Variants in NRXN1 observed in about 807,000 individuals in gnomAD.
The protein encoded by NRXN1 is neurexin-1.
NRXN1 carries 39 observed loss-of-function variants against 150.9 expected under a neutral mutation model. That is an observed-to-expected ratio of 0.26 (90% CI 0.20 to 0.34). NRXN1 has a LOEUF of 0.34. NRXN1 is among the 10% of genes least tolerant of loss of function. The pLI is 1.00. For synonymous variants in NRXN1, 924 were observed against 757.0 expected, an observed-to-expected ratio of 1.22 and a Z score of -3.62; for missense variants, 1,815 against 1,949.9, an observed-to-expected ratio of 0.93 and a Z score of 1.30.
At chr2:50,029,938 C>T (rs1361940964) in intron 21 of NRXN1, among the ~76,000 whole-genome samples, 1 of 151,986 alleles carries the variant, frequency 6.6e-6, no homozygotes, top group Non-Finnish European at 1.5e-5. Flanking sequence ...ATATAAAATG[C>T]CAGCTCCATG....
chr2:50,651,498 ACATG>A (rs1234645024), intron 5 of NRXN1, among the ~76,000 whole-genome samples: 1 of 149,266 alleles, frequency 6.7e-6, no homozygotes, highest in African/African-American at 2.6e-5. Flanking sequence ...ACATGACATG[ACATG>A]ACATGACATA....
chr2:50,848,746 G>A (rs942179669), intron 5 of NRXN1, among the ~76,000 whole-genome samples: 2 of 152,110 alleles, frequency 1.3e-5, no homozygotes, highest in East Asian at 1.9e-4. Flanking sequence ...ACCAAGACTG[G>A]TCTTTGGATG....
At chr2:50,468,590 A>G (rs918603801) in intron 16 of NRXN1, among the ~76,000 whole-genome samples, 1 of 151,612 alleles carries the variant, frequency 6.6e-6, no homozygotes, top group African/African-American at 2.4e-5. Flanking sequence ...TAAATTAATA[A>G]TATGTCTAAA....
intron 14 of NRXN1, among the ~76,000 whole-genome samples, chr2:50,496,354 A>G (rs1383598562): frequency 2.0e-4 from 31 of 152,170 alleles, no homozygotes; most frequent in Non-Finnish European, 2.9e-5. Context: ...AACTTTATGA[A>G]TTTGGAAAGC....
At chr2:50,177,490 T>C (rs1166509765) in intron 18 of NRXN1, among the ~76,000 whole-genome samples, 1 of 151,780 alleles carries the variant, frequency 6.6e-6, no homozygotes, top group Non-Finnish European at 1.5e-5. Context: ...TTATCATAAA[T>C]ATATTACTTT....
chr2:50,346,863 C>T lies in NRXN1; in HGVS notation c.3365-109893G>A, dbSNP rs546558752. ...GGACTATCCAAAGCAGGGCCAGGCG[C>T]CCCCCTGCGCCGCCGCCGCCGCCGC... On this transcript the variant is annotated intron_variant, in intron 17 of 22. Coordinates refer to ENST00000401669, the MANE Select transcript of NRXN1 (RefSeq NM_001330078.2). The surrounding 1 kb of genome is among the most constrained non-coding windows in gnomAD (Gnocchi z 5.0). 5.4e-5 allele frequency: 76 copies of T among 1,399,468 alleles called. 1 individual carries two copies. In the South Asian group the frequency reaches 1.4e-3, roughly 26 times the overall value. The allele number at this position is 1,399,468 out of a possible 1,614,324, so 86.7% of individuals were successfully genotyped here. A position where few individuals can be genotyped will look rare whatever the true frequency, so the allele number is the denominator to read the frequency against.
At chr2:50,379,042 G>C (rs1423718612) in intron 17 of NRXN1, among the ~76,000 whole-genome samples, 4 of 151,898 alleles carry the variant, frequency 2.6e-5, no homozygotes, top group African/African-American at 7.3e-5. Context: ...TCATGCAGCA[G>C]GCATTCAAAA....
At chr2:50,201,293 TAA>T (rs2062145111) in intron 18 of NRXN1, among the ~76,000 whole-genome samples, 1 of 152,184 alleles carries the variant, frequency 6.6e-6, no homozygotes, top group Admixed American at 6.6e-5. Context: ...CATAGAGTTC[TAA>T]AAAGACTTGA....
At chr2:50,689,802 A>C (rs963267818) in intron 5 of NRXN1, among the ~76,000 whole-genome samples, 1 of 151,944 alleles carries the variant, frequency 6.6e-6, no homozygotes, top group Non-Finnish European at 1.5e-5. Context: ...AACAACTTCC[A>C]ACTTTATAAG....
intron 5 of NRXN1, among the ~76,000 whole-genome samples, chr2:50,742,262 C>CATAT (rs139151456): frequency 2.5e-3 from 369 of 148,860 alleles, no homozygotes; most frequent in Middle Eastern, 7.1e-3. Context: ...GCAATATTTA[C>CATAT]ATATATATAT....
At chr2:50,608,634 G>C (rs1677528540) in intron 8 of NRXN1, among the ~76,000 whole-genome samples, 1 of 152,016 alleles carries the variant, frequency 6.6e-6, no homozygotes, top group Non-Finnish European at 1.5e-5. Flanking sequence ...AATAACTAAA[G>C]GTAATGTTAA....
chr2:50,490,114 A>C (rs1438492723), intron 15 of NRXN1, among the ~76,000 whole-genome samples: 1 of 152,144 alleles, frequency 6.6e-6, no homozygotes, highest in Admixed American at 6.5e-5. Flanking sequence ...ACAATATATC[A>C]AGTCTTATTT....
At chr2:50,035,123 C>T (rs1689828593) in intron 21 of NRXN1, among the ~76,000 whole-genome samples, 1 of 152,020 alleles carries the variant, frequency 6.6e-6, no homozygotes, top group African/African-American at 2.4e-5. Flanking sequence ...AGAATATAAC[C>T]TGATTATTTG....
intron 5 of NRXN1, among the ~76,000 whole-genome samples, chr2:50,865,580 ATGTGTGTGTG>A (rs112867077): frequency 2.3e-5 from 3 of 130,702 alleles, no homozygotes; most frequent in Non-Finnish European, 3.2e-5. Flanking sequence ...AAATATATAA[ATGTGTGTGTG>A]TGTGTGTGTG....
At chr2:50,617,755 G>A (rs1033859433) in intron 8 of NRXN1, among the ~76,000 whole-genome samples, 1 of 151,918 alleles carries the variant, frequency 6.6e-6, no homozygotes, top group Non-Finnish European at 1.5e-5. Context: ...TGGTATTGTG[G>A]TTTTTCTGGT....
intron 5 of NRXN1, among the ~76,000 whole-genome samples, chr2:50,730,629 C>T (rs1697970590): frequency 6.6e-6 from 1 of 150,940 alleles, no homozygotes; most frequent in Admixed American, 6.6e-5. Flanking sequence ...TTCATTTTTT[C>T]GTCCACTTTG....
intron 5 of NRXN1, among the ~76,000 whole-genome samples, chr2:50,714,369 G>T (rs1695587947): frequency 6.6e-6 from 1 of 151,870 alleles, no homozygotes; most frequent in Non-Finnish European, 1.5e-5. Context: ...TTTTTTTTCA[G>T]TGTCATTGCC....
rs143662713 is a variant in NRXN1, at chr2:50,106,894, C to G, written c.3547-15400G>C. On this transcript the variant is annotated intron_variant, in intron 18 of 22. Coordinates refer to ENST00000401669, the MANE Select transcript of NRXN1 (RefSeq NM_001330078.2). Reference sequence around the variant, plus strand: ...GCTTAAACATCATAATGTTTCCAATCTATGTTACAAGAGCTAAGCCATTTC... The same window carrying G: ...GCTTAAACATCATAATGTTTCCAATGTATGTTACAAGAGCTAAGCCATTTC... Among the ~76,000 whole-genome samples, 129 of 152,058 alleles carry G rather than the reference C, an allele frequency of 8.5e-4. 1 individual carries two copies. The highest frequency in any genetic ancestry group is 3.0e-3 in the African/African-American group (126 of 41,534).
chr2:50,482,946 G>A (rs2090581533), intron 15 of NRXN1, among the ~76,000 whole-genome samples: 1 of 151,462 alleles, frequency 6.6e-6, no homozygotes, highest in Admixed American at 6.6e-5. Flanking sequence ...AGCTATTTGG[G>A]AGGCTGAGGC....
Sources: allele counts gnomAD v4.1 joint callset (sites outside exome capture counted in the v4.1 genomes callset), GRCh38; gene constraint gnomAD v4.1.1; non-coding constraint Gnocchi (gnomAD v3.1); transcripts MANE v1.5; gene names NCBI Gene and HGNC (gene_info 2026-07-23, HGNC 2026-07-21).